YTHDC2: variants seen among roughly 807,000 people sequenced by gnomAD.
YTHDC2 encodes the protein YTH N6-methyladenosine RNA binding protein C2.
Under a neutral mutation model 174.9 loss-of-function variants are expected in YTHDC2, and 45 were observed. The observed-to-expected ratio is 0.26, with a 90% CI of 0.20 to 0.33. The LOEUF (loss-of-function observed/expected upper bound fraction) is 0.33. Ranked by LOEUF, YTHDC2 falls within the 10% of genes least tolerant of loss-of-function variation. YTHDC2 has a pLI of 1.00. For synonymous variants in YTHDC2, 657 were observed against 574.5 expected (o/e 1.14, Z -2.05); for missense variants, 1,650 against 1,723.7 (o/e 0.96, Z 0.76).
chr5:113,526,705 C>A lies in YTHDC2; in HGVS notation c.595C>A (p.Gln199Lys). 1 of 1,576,590 alleles carries A rather than the reference C, an allele frequency of 6.3e-7. No homozygotes were observed. Among genetic ancestry groups the A allele is most frequent in the Non-Finnish European group, 8.6e-7 (1 of 1,160,474 alleles). ...FRQSLPVFEK[Q>K]EEIVKIIKEN... Reference sequence around the variant, plus strand: ...GCAGTCTTTACCAGTGTTTGAGAAACAGGAAGAAATTGTTAAAATAATTAA... The same window carrying A: ...GCAGTCTTTACCAGTGTTTGAGAAAAAGGAAGAAATTGTTAAAATAATTAA... Residue 199 changes from glutamine to lysine, a missense_variant, in exon 4 of 30, where the codon CAG (glutamine) becomes AAG (lysine). Around this residue, in one of 5 missense-constraint regions of YTHDC2, gnomAD observed 304 missense variants for 341.4 expected, o/e 0.89. Coordinates refer to ENST00000161863, the MANE Select transcript of YTHDC2 (RefSeq NM_022828.5).
chr5:113,535,026 A>G (rs535242211), intron 6 of YTHDC2, among the ~76,000 whole-genome samples: 2 of 152,304 alleles, frequency 1.3e-5, no homozygotes, highest in East Asian at 3.9e-4. Context: ...ATTTACATAG[A>G]TTTTTTATGT....
intron 9 of YTHDC2, among the ~76,000 whole-genome samples, chr5:113,541,785 A>G (rs958116654): frequency 1.3e-5 from 2 of 151,994 alleles, no homozygotes; most frequent in East Asian, 1.9e-4. Context: ...TAAATATACT[A>G]TATATATAAT....
At chr5:113,516,237 T>C (rs989140566) in intron 2 of YTHDC2, among the ~76,000 whole-genome samples, 3 of 152,262 alleles carry the variant, frequency 2.0e-5, no homozygotes, top group African/African-American at 7.2e-5. Flanking sequence ...TCTTTTACTG[T>C]TACTGCAATA....
At chr5:113,541,986 C>T (rs1228008970) in intron 9 of YTHDC2, among the ~76,000 whole-genome samples, 1 of 152,144 alleles carries the variant, frequency 6.6e-6, no homozygotes, top group South Asian at 2.1e-4. Flanking sequence ...ACAAGAGATT[C>T]TGATGCACTT....
intron 5 of YTHDC2, among the ~76,000 whole-genome samples, chr5:113,533,781 C>G (rs1397496656): frequency 1.3e-5 from 2 of 152,080 alleles, no homozygotes; most frequent in East Asian, 1.9e-4. Context: ...AAATCTAAAA[C>G]TTTTTGAGTG....
At chr5:113,559,664 A>G (rs1293928195) in intron 17 of YTHDC2, among the ~76,000 whole-genome samples, 3 of 152,208 alleles carry the variant, frequency 2.0e-5, no homozygotes, top group Admixed American at 2.0e-4. Context: ...AAAATTAAAA[A>G]CTGAGCAGAC....
At chr5:113,536,912 C>G (rs545385590) in intron 7 of YTHDC2, among the ~76,000 whole-genome samples, 1 of 152,122 alleles carries the variant, frequency 6.6e-6, no homozygotes, top group Non-Finnish European at 1.5e-5. Context: ...TTATCATGAA[C>G]AGTTTTCCAG....
At chr5:113,523,762 C>A (rs1048305267) in intron 2 of YTHDC2, among the ~76,000 whole-genome samples, 3 of 151,868 alleles carry the variant, frequency 2.0e-5, no homozygotes, top group Non-Finnish European at 4.4e-5. Context: ...TAGGTTAATC[C>A]CCAGTTTGAT....
chr5:113,576,952 GT>G (rs1778092392), intron 23 of YTHDC2, among the ~76,000 whole-genome samples: 1 of 151,968 alleles, frequency 6.6e-6, no homozygotes, highest in South Asian at 2.1e-4. Context: ...GATAAGTATT[GT>G]TTTTGTTTTC....
At chr5:113,542,622 GTATT>G (rs1229294026) in intron 10 of YTHDC2, 119 bp downstream of exon 10, 2 of 847,198 alleles carry the variant, frequency 2.4e-6, no homozygotes, top group East Asian at 2.9e-5. Context: ...TTTTTTAAAA[GTATT>G]TATTTTATTT....
At position 113,535,736 on chromosome 5, in the gene YTHDC2, C is replaced by G. The variant is rs770521818; in HGVS notation, c.1040C>G (p.Ser347Cys). The G allele has an allele frequency of 5.6e-6, 9 of 1,613,432 alleles. No homozygotes were observed. Among genetic ancestry groups the G allele is most frequent in the Admixed American group, 5.0e-5 (3 of 59,958 alleles). Reference protein sequence around the residue: ...QKHPTLKLILSSAALDVNLFI... With the variant: ...QKHPTLKLILCSAALDVNLFI... ...CACCCAACTTTGAAACTAATTCTTT[C>G]TAGTGCTGCCTTGGATGTAAATCTC... Residue 347 changes from serine to cysteine, a missense_variant, in exon 7 of 30, where the codon TCT becomes TGT. By Grantham distance (112) the Ser-to-Cys change is moderately radical. This residue lies in a region of YTHDC2 where 411 missense variants were observed against 380.6 expected (regional missense o/e 1.08). Transcript: ENST00000161863.
intron 3 of YTHDC2, among the ~76,000 whole-genome samples, chr5:113,525,683 C>G (rs1001266493): frequency 1.3e-5 from 2 of 152,054 alleles, no homozygotes; most frequent in East Asian, 1.9e-4. Flanking sequence ...AGAGATTGGA[C>G]AGAGTCTTCA....
chr5:113,532,928 G>T lies in YTHDC2; in HGVS notation c.725G>T (p.Arg242Leu). The change falls in exon 5 of 30, where the codon CGT (arginine) becomes CTT (leucine). Residue 242 changes from arginine to leucine, a missense_variant. This residue lies in a region of YTHDC2 where 304 missense variants were observed against 341.4 expected (regional missense o/e 0.89). Coordinates refer to ENST00000161863, the MANE Select transcript of YTHDC2 (RefSeq NM_022828.5). Reference protein sequence around the residue: ...DDCFKNGIPCRIFCTQPRRLA... With the variant: ...DDCFKNGIPCLIFCTQPRRLA... ...TGCTTTAAAAATGGTATCCCCTGCC[G>T]TATATTTTGTACTCAACCAAGACGA... The T allele has an allele frequency of 1.9e-6, 3 of 1,613,784 alleles. No individual in the cohort carries two copies. Among genetic ancestry groups the T allele is most frequent in the Non-Finnish European group, 2.5e-6 (3 of 1,179,856 alleles).
At chr5:113,546,018 G>A (rs370022315) in intron 10 of YTHDC2, among the ~76,000 whole-genome samples, 11,817 of 81,012 alleles carry the variant, frequency 0.15, 1,308 homozygotes, top group African/African-American at 0.32. Context: ...GGGATTACAG[G>A]CGTGAGCCAC....
chr5:113,548,564 A>G lies in YTHDC2; in HGVS notation c.1519A>G (p.Ser507Gly). 6.2e-7 allele frequency: 1 copy of G among 1,610,480 alleles called. No homozygotes were observed. The highest frequency in any genetic ancestry group is 8.5e-7 in the Non-Finnish European group (1 of 1,178,790). ...VSVDYRHSET[S>G]ATALMVAAGR... ...AGTTGATTACAGACATAGTGAAACC[A>G]GTGCAACAGCTCTGATGGTTGCTGC... Residue 507 changes from serine (S) to glycine (G), a missense_variant, in exon 11 of 30, where the codon AGT becomes GGT. This residue lies in a region of YTHDC2 where 411 missense variants were observed against 380.6 expected (regional missense o/e 1.08). Coordinates refer to ENST00000161863, the MANE Select transcript of YTHDC2 (RefSeq NM_022828.5).
chr5:113,517,537 A>G (rs187942667), intron 2 of YTHDC2: 1 of 456,222 alleles, frequency 2.2e-6, no homozygotes, highest in Non-Finnish European at 4.4e-6. Flanking sequence ...TATGGAGACA[A>G]AAATGGGGAA....
intron 18 of YTHDC2, among the ~76,000 whole-genome samples, chr5:113,561,549 A>G (rs1776975334): frequency 6.6e-6 from 1 of 150,752 alleles, no homozygotes; most frequent in South Asian, 2.1e-4. Flanking sequence ...GCTCACTGCA[A>G]CCTCCACCTC....
intron 23 of YTHDC2, 76 bp downstream of exon 23, chr5:113,567,925 A>G (rs374625755): frequency 2.5e-5 from 29 of 1,146,880 alleles, no homozygotes; most frequent in South Asian, 1.4e-4. Flanking sequence ...TTATTTTACT[A>G]AACCAAATAA....
At chr5:113,542,958 C>CAT (rs1775591284) in intron 10 of YTHDC2, among the ~76,000 whole-genome samples, 1 of 152,142 alleles carries the variant, frequency 6.6e-6, no homozygotes, top group Non-Finnish European at 1.5e-5. Flanking sequence ...TTATTTTCTT[C>CAT]ATATTTCCCT....
Sources: allele counts gnomAD v4.1 joint callset (sites outside exome capture counted in the v4.1 genomes callset), GRCh38; gene constraint gnomAD v4.1.1; regional missense constraint gnomAD v4.1.1; transcripts MANE v1.5; gene names NCBI Gene and HGNC (gene_info 2026-07-23, HGNC 2026-07-21).